CRPPA: variants seen among roughly 807,000 people sequenced by gnomAD.
The protein encoded by CRPPA is D-ribitol-5-phosphate cytidylyltransferase.
Under a neutral mutation model 52.0 loss-of-function variants are expected in CRPPA, and 43 were observed. That is an observed-to-expected ratio of 0.83 (90% CI 0.65 to 1.07). CRPPA has a LOEUF of 1.07. Among genes scored for constraint, CRPPA ranks in the 50% least tolerant of loss-of-function variants. The probability of loss-of-function intolerance (pLI) is 0.00; values close to 1 mark genes in which losing one functional copy is unlikely to be tolerated. For missense variants in CRPPA, 629 were observed against 551.7 expected (o/e 1.14, Z -1.40); for synonymous variants, 250 against 203.5 (o/e 1.23, Z -1.94).
At chr7:16,096,203 T>G (rs1781932263) in intron 9 of CRPPA, among the ~76,000 whole-genome samples, 1 of 151,984 alleles carries the variant, frequency 6.6e-6, no homozygotes, top group South Asian at 2.1e-4. Flanking sequence ...AATCTTGAGC[T>G]TTTATAATGT....
intron 9 of CRPPA, among the ~76,000 whole-genome samples, chr7:16,197,852 C>T (rs1307415722): frequency 6.7e-6 from 1 of 150,184 alleles, no homozygotes; most frequent in East Asian, 2.3e-4. Context: ...TATGACCTTA[C>T]CCCCAACCCC....
chr7:16,418,812 A>T (rs539571742), intron 1 of CRPPA, among the ~76,000 whole-genome samples: 3 of 152,148 alleles, frequency 2.0e-5, no homozygotes, highest in Non-Finnish European at 4.4e-5. Context: ...TTGGGTGGAG[A>T]CACAGCCAAA....
chr7:16,198,993 G>C (rs898096073), intron 9 of CRPPA, among the ~76,000 whole-genome samples: 4 of 152,110 alleles, frequency 2.6e-5, no homozygotes, highest in African/African-American at 9.7e-5. Context: ...TGAGTAAACA[G>C]AATCTTAACT....
At position 16,342,812 on chromosome 7, in the gene CRPPA, T is replaced by C. The variant is rs372774271; in HGVS notation, c.684+33280A>G. 1.1e-4 allele frequency among the ~76,000 whole-genome samples: 11 copies of C among 101,140 alleles called. No homozygotes were observed. The South Asian group carries it at 5.1e-3, about 46-fold the overall frequency. 66.4% of individuals were successfully genotyped at this position (101,140 alleles called of 152,430 possible). A position where few individuals can be genotyped will look rare whatever the true frequency, so the allele number is the denominator to read the frequency against. On this transcript the variant is annotated intron_variant, in intron 3 of 9. Coordinates refer to ENST00000407010, the MANE Select transcript of CRPPA (RefSeq NM_001101426.4). ...ATATATATATATCTATATAGATATATAGATATACATATATAGATATATAGA... is the reference window on the plus strand; with the variant it reads ...ATATATATATATCTATATAGATATACAGATATACATATATAGATATATAGA...
At position 16,278,166 on chromosome 7, in the gene CRPPA, C is replaced by G; in HGVS notation, c.896G>C (p.Gly299Ala). ...MDTEEDNKHV[G>A]HLLEEVLKSE... ...TTTCAGCACTTCTTCAAGAAGATGA[C>G]CTACATGTTTGTTATCTTCTTCTGT... Residue 299 changes from glycine to alanine, a missense_variant, in exon 6 of 10, where the codon GGT becomes GCT. Gly to Ala is a moderately conservative substitution (Grantham distance 60). Coordinates refer to ENST00000407010, the MANE Select transcript of CRPPA (RefSeq NM_001101426.4). 3 of 1,580,512 alleles carry G rather than the reference C, an allele frequency of 1.9e-6. No homozygotes were observed. The highest frequency in any genetic ancestry group is 2.6e-6 in the Non-Finnish European group (3 of 1,155,656).
intron 1 of CRPPA, among the ~76,000 whole-genome samples, chr7:16,410,417 G>A (rs902586116): frequency 1.3e-5 from 2 of 152,188 alleles, no homozygotes; most frequent in Admixed American, 6.5e-5. Context: ...TTATTAGCAA[G>A]TGGTGAGTGA....
At chr7:16,399,422 C>G (rs1347250975) in intron 2 of CRPPA, among the ~76,000 whole-genome samples, 2 of 151,200 alleles carry the variant, frequency 1.3e-5, no homozygotes, top group Non-Finnish European at 2.9e-5. Context: ...TGACATGTGA[C>G]AAGTGACAAG....
chr7:16,379,946 T>C (rs980792121), intron 2 of CRPPA, among the ~76,000 whole-genome samples: 11 of 152,168 alleles, frequency 7.2e-5, no homozygotes, highest in African/African-American at 2.7e-4. Flanking sequence ...CAGGGACAAT[T>C]TGACTTCCTC....
chr7:16,322,893 T>TA (rs1261923238), intron 3 of CRPPA, among the ~76,000 whole-genome samples: 1 of 151,986 alleles, frequency 6.6e-6, no homozygotes, highest in African/African-American at 2.4e-5. Flanking sequence ...TCAGGAAACT[T>TA]ACAATTATGG....
intron 8 of CRPPA, among the ~76,000 whole-genome samples, chr7:16,240,100 G>A (rs1783065005): frequency 6.6e-6 from 1 of 151,356 alleles, no homozygotes; most frequent in African/African-American, 2.4e-5. Flanking sequence ...TTAGTCATAA[G>A]CAAAGATCTC....
At chr7:16,200,728 C>T (rs918259061) in intron 9 of CRPPA, among the ~76,000 whole-genome samples, 2 of 152,142 alleles carry the variant, frequency 1.3e-5, no homozygotes, top group Non-Finnish European at 1.5e-5. Context: ...CATTTAAATG[C>T]TTAGTATTGT....
At chr7:16,345,601 A>G (rs1785993381) in intron 3 of CRPPA, among the ~76,000 whole-genome samples, 1 of 152,170 alleles carries the variant, frequency 6.6e-6, no homozygotes. Context: ...AAGAGAACAC[A>G]GTATTGCTGA....
At chr7:16,392,372 G>T (rs10230422) in intron 2 of CRPPA, among the ~76,000 whole-genome samples, 1 of 151,968 alleles carries the variant, frequency 6.6e-6, no homozygotes, top group Non-Finnish European at 1.5e-5. Context: ...TCAGTAGAGC[G>T]CATGGGCAAA....
rs115923120 is a variant in CRPPA at position 16,306,351 on chromosome 7, G to A, written c.789+2172C>T. Among the ~76,000 whole-genome samples the A allele has an allele frequency of 5.0e-3, 769 of 152,302 alleles. 4 individuals carry two copies. The highest frequency in any genetic ancestry group is 0.017 in the African/African-American group (704 of 41,552). The stretch of plus-strand genomic sequence containing the variant: ...GTGTGGAAAGGCCAATCAGGTTAGC[G>A]TGCACTGATATTTGTTGCACATAAA... On this transcript the variant is annotated intron_variant, in intron 4 of 9. Transcript: ENST00000407010.
At position 16,089,329 on chromosome 7, in the gene CRPPA, T is replaced by C. The variant is rs989995835; in HGVS notation, c.*2366A>G. On this transcript the variant is annotated 3_prime_UTR_variant, in exon 10 of 10. Transcript: ENST00000407010. ...ATGTGTGTATGCGTACGTATATAAA[T>C]ATATGTGTGTATGCGTACGTATATA... 40 of 400,802 alleles carry C rather than the reference T, an allele frequency of 1.0e-4. 1 individual carries two copies. The highest frequency in any genetic ancestry group is 7.7e-4 in the African/African-American group (36 of 46,890). The allele number at this position is 400,802 out of a possible 1,614,324, so 24.8% of individuals were successfully genotyped here. A position where few individuals can be genotyped will look rare whatever the true frequency, so the allele number is the denominator to read the frequency against.
intron 9 of CRPPA, among the ~76,000 whole-genome samples, chr7:16,147,574 G>A (rs1010590346): frequency 6.6e-6 from 1 of 152,130 alleles, no homozygotes; most frequent in Non-Finnish European, 1.5e-5. Context: ...AAATCAGTAA[G>A]TTCAAGTAAA....
intron 3 of CRPPA, among the ~76,000 whole-genome samples, chr7:16,352,099 T>C (rs1445280025): frequency 6.6e-6 from 1 of 152,178 alleles, no homozygotes; most frequent in Non-Finnish European, 1.5e-5. Context: ...AAGGATGAGT[T>C]CATGTCCTTT....
chr7:16,237,254 T>C (rs1426879866), intron 8 of CRPPA: 1 of 152,198 alleles, frequency 6.6e-6, no homozygotes, highest in Non-Finnish European at 1.5e-5. Flanking sequence ...TTGCCTGCTA[T>C]AACACATACC....
chr7:16,417,250 C>T (rs79240539), intron 1 of CRPPA, among the ~76,000 whole-genome samples: 13,766 of 152,274 alleles, frequency 0.09, 837 homozygotes, highest in South Asian at 0.24. Flanking sequence ...TCTCAAAGAA[C>T]TTAAAACAGA....
Sources: allele counts gnomAD v4.1 joint callset (sites outside exome capture counted in the v4.1 genomes callset), GRCh38; gene constraint gnomAD v4.1.1; transcripts MANE v1.5; gene names NCBI Gene and HGNC (gene_info 2026-07-23, HGNC 2026-07-21).